The following GSS variants were observed in gnomAD, a reference collection of about 807,000 sequenced individuals.
GSS encodes the protein GSH synthetase.
Under a neutral mutation model 60.4 loss-of-function variants are expected in GSS, and 34 were observed. The observed-to-expected ratio is 0.56, with a 90% CI of 0.43 to 0.75. GSS has a LOEUF of 0.75. GSS is among the 30% of genes least tolerant of loss of function. GSS has a pLI of 0.00. For synonymous variants in GSS, 224 were observed against 239.0 expected (o/e 0.94, Z 0.58); for missense variants, 499 against 595.1 (o/e 0.84, Z 1.68).
chr20:34,954,203 A>G (rs1241589369), intron 1 of GSS: 2 of 152,224 alleles, frequency 1.3e-5, no homozygotes, highest in Non-Finnish European at 2.9e-5. Context: ...ACTGATTTGC[A>G]TTTAATGCCA....
At chr20:34,955,642 C>T (rs1433918747) in intron 1 of GSS, 85 bp downstream of exon 1, 3 of 152,328 alleles carry the variant, frequency 2.0e-5, no homozygotes, top group African/African-American at 7.2e-5. Flanking sequence ...CTCCGGAATT[C>T]CAATCTCTTG....
chr20:34,933,121 C>T (rs2081415166), intron 9 of GSS, among the ~76,000 whole-genome samples: 1 of 152,160 alleles, frequency 6.6e-6, no homozygotes, highest in African/African-American at 2.4e-5. Flanking sequence ...GCTGGGATTA[C>T]AGGTACGAGC....
rs34053903 is a variant in GSS, at chr20:34,947,448, A to G, written c.130-1350T>C. ...ACATGATACAAAATTCAAAAGAGAC[A>G]TAAGAATATATAGTGAGAAGTATGT... On this transcript the variant is annotated intron_variant, in intron 2 of 12. Coordinates refer to ENST00000651619, the MANE Select transcript of GSS (RefSeq NM_000178.4). Among the ~76,000 whole-genome samples, 620 of 152,348 alleles carry G rather than the reference A, an allele frequency of 4.1e-3. 2 individuals are homozygous for G. Among genetic ancestry groups the G allele is most frequent in the African/African-American group, 0.014 (590 of 41,576 alleles).
At chr20:34,931,609 A>T (rs2081402386) in intron 10 of GSS, 192 bp from the exon 11 acceptor site, 7 of 668,024 alleles carry the variant, frequency 1.0e-5, no homozygotes, top group Non-Finnish European at 1.9e-5. Context: ...TGCAATGAGA[A>T]CAGGCCTTTC....
At chr20:34,947,748 T>C (rs1249966881) in intron 2 of GSS, among the ~76,000 whole-genome samples, 1 of 152,212 alleles carries the variant, frequency 6.6e-6, no homozygotes, top group Non-Finnish European at 1.5e-5. Context: ...CCATAATTTA[T>C]TGAATCTAGT....
chr20:34,950,597 C>T (rs1185723734), intron 2 of GSS, among the ~76,000 whole-genome samples: 1 of 150,738 alleles, frequency 6.6e-6, no homozygotes, highest in Non-Finnish European at 1.5e-5. Flanking sequence ...GAAACCCTGT[C>T]CCTACCAAAA....
At chr20:34,941,414 C>T (rs1600385473) in intron 6 of GSS, among the ~76,000 whole-genome samples, 2 of 151,828 alleles carry the variant, frequency 1.3e-5, no homozygotes, top group African/African-American at 2.4e-5. Flanking sequence ...GAGCTATTAG[C>T]GCAGGCAAAC....
intron 10 of GSS, chr20:34,931,619 CT>C (rs1307367325): frequency 1.5e-6 from 1 of 658,280 alleles, no homozygotes; most frequent in African/African-American, 1.8e-5. Flanking sequence ...ACAGGCCTTT[CT>C]TTAGCAACAG....
chr20:34,931,713 C>T, intron 10 of GSS: 2 of 622,744 alleles, frequency 3.2e-6, no homozygotes, highest in Non-Finnish European at 5.7e-6. Context: ...TTGCCATCCT[C>T]ATCTCTACCT....
intron 11 of GSS, 121 bp downstream of exon 11, chr20:34,931,215 G>T: frequency 2.5e-6 from 2 of 809,216 alleles, no homozygotes; most frequent in Non-Finnish European, 4.3e-6. Context: ...CATGTGGCCT[G>T]TGTCAGTTCC....
chr20:34,929,067 G>T (rs2081376910), intron 12 of GSS, 116 bp from the exon 13 acceptor site: 3 of 1,275,062 alleles, frequency 2.4e-6, no homozygotes, highest in Middle Eastern at 2.6e-4. Context: ...AAAGTGCTAG[G>T]ATTTTAGAGT....
chr20:34,932,163 G>C (rs188841178), intron 9 of GSS, 30 bp from the exon 10 acceptor site: 1 of 1,572,336 alleles, frequency 6.4e-7, no homozygotes, highest in Non-Finnish European at 8.8e-7. Flanking sequence ...AAAGGAATTC[G>C]ACTTTATTTT....
chr20:34,954,707 C>T (rs920754885), intron 1 of GSS: 10 of 153,688 alleles, frequency 6.5e-5, no homozygotes, highest in African/African-American at 1.9e-4. Context: ...CACAGCAATA[C>T]TTTCCTACCT....
chr20:34,936,641 A>C, intron 8 of GSS, 122 bp downstream of exon 8: 2 of 850,410 alleles, frequency 2.4e-6, no homozygotes, highest in Non-Finnish European at 4.1e-6. Context: ...GAGATATTTC[A>C]GGAATTATGA....
intron 1 of GSS, among the ~76,000 whole-genome samples, chr20:34,953,065 T>G (rs1387702842): frequency 2.0e-5 from 3 of 152,220 alleles, no homozygotes; most frequent in African/African-American, 7.2e-5. Context: ...GGAGAAGTTG[T>G]CTGATTGGTT....
Position 34,935,717 on chromosome 20 carries a change from T to G in GSS, c.768-75A>C, listed in dbSNP as rs7363022. 61 of 1,181,638 alleles carry G rather than the reference T, an allele frequency of 5.2e-5. No individual in the cohort carries two copies. The South Asian group carries it at 6.9e-4, about 13-fold the overall frequency. 73.2% of individuals were successfully genotyped at this position (1,181,638 alleles called of 1,614,324 possible). On this transcript the variant is annotated intron_variant, in intron 8 of 12. Transcript: ENST00000651619. ...TTCAGTGGTTCAATCTATTTCAGGG[T>G]GCATCAAGATGAATTTGGCTTTTTC... is the stretch of plus-strand genomic sequence containing the variant.
chr20:34,931,617 T>G, intron 10 of GSS, 200 bp from the exon 11 acceptor site: 1 of 659,510 alleles, frequency 1.5e-6, no homozygotes, highest in Non-Finnish European at 2.7e-6. Flanking sequence ...GAACAGGCCT[T>G]TCTTTAGCAA....
At chr20:34,929,834 T>G (rs1297444284) in intron 11 of GSS, among the ~76,000 whole-genome samples, 1 of 152,194 alleles carries the variant, frequency 6.6e-6, no homozygotes, top group Non-Finnish European at 1.5e-5. Flanking sequence ...CAGCTGTTCC[T>G]TCTCAAGCTC....
In GSS at chr20:34,929,394, G is replaced by A. The variant is rs770020741; in HGVS notation, c.1301+7C>T. On this transcript the variant is annotated splice_region_variant and intron_variant, in intron 12 of 12. Coordinates refer to ENST00000651619, the MANE Select transcript of GSS (RefSeq NM_000178.4). ...GTAGTGGAAAGAGCTTCTCCTGATT[G>A]GCTCACCTGACATAGACCCCAAAGA... 1 of 1,612,048 alleles carries A rather than the reference G, an allele frequency of 6.2e-7. No homozygotes were observed. The highest frequency in any genetic ancestry group is 1.1e-5 in the South Asian group (1 of 91,034).
Sources: gnomAD v4.1 joint callset for allele counts (sites outside exome capture counted in the v4.1 genomes callset) on GRCh38, gnomAD v4.1.1 for gene constraint, MANE v1.5 for transcripts, NCBI Gene and HGNC (gene_info 2026-07-23, HGNC 2026-07-21) for gene names.